Variants in RNF144A observed in about 807,000 individuals in gnomAD.
RNF144A encodes the protein E3 ubiquitin-protein ligase RNF144A.
In RNF144A, 11 loss-of-function variants were observed where a neutral mutation model predicts 38.7. That is an observed-to-expected ratio of 0.28 (90% CI 0.18 to 0.47). The LOEUF is 0.47. Ranked by LOEUF, RNF144A falls within the 20% of genes least tolerant of loss-of-function variation. The probability of loss-of-function intolerance (pLI) is 0.99; values close to 1 mark genes in which losing one functional copy is unlikely to be tolerated. For missense variants in RNF144A, 316 were observed against 377.2 expected, an observed-to-expected ratio of 0.84 and a Z score of 1.34; for synonymous variants, 149 against 143.9, an observed-to-expected ratio of 1.04 and a Z score of -0.25.
intron 2 of RNF144A, among the ~76,000 whole-genome samples, chr2:6,947,577 T>C (rs958905843): frequency 2.0e-5 from 3 of 152,220 alleles, no homozygotes; most frequent in Non-Finnish European, 4.4e-5. Flanking sequence ...AAAACTGACA[T>C]TGACTTATTT....
At chr2:7,000,788 T>G (rs1429883607) in intron 3 of RNF144A, among the ~76,000 whole-genome samples, 1 of 151,884 alleles carries the variant, frequency 6.6e-6, no homozygotes, top group Non-Finnish European at 1.5e-5. Flanking sequence ...AAAGTTATTT[T>G]TTAATGATGA....
chr2:6,963,743 C>T (rs186746693), intron 2 of RNF144A, among the ~76,000 whole-genome samples: 13 of 152,234 alleles, frequency 8.5e-5, no homozygotes, highest in East Asian at 1.9e-4. Flanking sequence ...TCAGGGTTTC[C>T]GAGTCATGTG....
chr2:7,025,269 ATTTAGC>A (rs1308514548), intron 7 of RNF144A, among the ~76,000 whole-genome samples: 1 of 152,258 alleles, frequency 6.6e-6, no homozygotes, highest in Non-Finnish European at 1.5e-5. Flanking sequence ...GGTTGCTGCT[ATTTAGC>A]TTCTCATTCT....
At chr2:6,992,577 G>A (rs910438749) in intron 2 of RNF144A, among the ~76,000 whole-genome samples, 5 of 152,224 alleles carry the variant, frequency 3.3e-5, no homozygotes, top group Non-Finnish European at 7.3e-5. Flanking sequence ...GGAGAGCAGG[G>A]ACTTGCTGGA....
intron 7 of RNF144A, among the ~76,000 whole-genome samples, chr2:7,025,106 C>T (rs1671797075): frequency 6.6e-6 from 1 of 152,154 alleles, no homozygotes; most frequent in Admixed American, 6.5e-5. Flanking sequence ...AATGGAAGTT[C>T]TGGTCTCATA....
intron 3 of RNF144A, among the ~76,000 whole-genome samples, chr2:7,011,794 A>G (rs1361418290): frequency 2.0e-5 from 3 of 152,228 alleles, no homozygotes; most frequent in Non-Finnish European, 4.4e-5. Flanking sequence ...CCCACTTTAT[A>G]TCTGGAAGAA....
chr2:6,967,323 C>T (rs375427877), intron 2 of RNF144A, among the ~76,000 whole-genome samples: 2 of 152,208 alleles, frequency 1.3e-5, no homozygotes, highest in African/African-American at 2.4e-5. Flanking sequence ...CTACAGAAGA[C>T]GTAGTTCGTT....
At chr2:7,046,751 C>CA (rs1271545803), downstream of RNF144A, among the ~76,000 whole-genome samples, 1 of 152,168 alleles carries the variant, frequency 6.6e-6, no homozygotes, top group Non-Finnish European at 1.5e-5. Context: ...TGCGTACAGC[C>CA]TGTGGTTAAT....
At position 6,943,941 on chromosome 2, in the gene RNF144A, G is replaced by A. The variant is rs2103302478; in HGVS notation, c.-12+2794G>A. ...GAAGCTCTGGCTCCAGACTGAAAGA[G>A]CCACTCTGGGTGACTGCATGCTTCT... On this transcript the variant is annotated intron_variant, in intron 2 of 8. Coordinates refer to ENST00000320892, the MANE Select transcript of RNF144A (RefSeq NM_014746.6). The surrounding 1 kb of genome is among the most constrained non-coding windows in gnomAD (Gnocchi z 4.3). Among the ~76,000 whole-genome samples, 1 of 152,212 alleles carries A rather than the reference G, an allele frequency of 6.6e-6. No individual in the cohort carries two copies. Among genetic ancestry groups the A allele is most frequent in the East Asian group, 1.9e-4 (1 of 5,194 alleles).
At chr2:6,957,501 C>A (rs1209880362) in intron 2 of RNF144A, among the ~76,000 whole-genome samples, 1 of 152,182 alleles carries the variant, frequency 6.6e-6, no homozygotes, top group Non-Finnish European at 1.5e-5. Flanking sequence ...CTACCTGATG[C>A]CCACCTTGGC....
chr2:6,944,403 T>C lies in RNF144A; in HGVS notation c.-12+3256T>C, dbSNP rs114531145. The stretch of plus-strand genomic sequence containing the variant: ...CTGCTGGAGAGATCTTCCCCTCCAC[T>C]TACCCGATTGCCTACTTACCCCTTT... On this transcript the variant is annotated intron_variant, in intron 2 of 8. Coordinates refer to ENST00000320892, the MANE Select transcript of RNF144A (RefSeq NM_014746.6). The surrounding 1 kb of genome is among the most constrained non-coding windows in gnomAD (Gnocchi z 4.7). Among the ~76,000 whole-genome samples the C allele has an allele frequency of 0.015, 2,342 of 152,138 alleles. 58 individuals carry two copies. Among genetic ancestry groups the C allele is most frequent in the African/African-American group, 0.054 (2,239 of 41,482 alleles).
chr2:6,943,738 G>T lies in RNF144A; in HGVS notation c.-12+2591G>T, dbSNP rs1666163626. Among the ~76,000 whole-genome samples, 1 of 152,172 alleles carries T rather than the reference G, an allele frequency of 6.6e-6. No homozygotes were observed. Among genetic ancestry groups the T allele is most frequent in the Admixed American group, 6.5e-5 (1 of 15,284 alleles). On this transcript the variant is annotated intron_variant, in intron 2 of 8. Coordinates refer to ENST00000320892, the MANE Select transcript of RNF144A (RefSeq NM_014746.6). This position sits in a 1 kb window ranked among gnomAD's most constrained non-coding sequence, Gnocchi z 4.3. The stretch of plus-strand genomic sequence containing the variant: ...CATGCGTGGGTGGTGCTCGGAGGAG[G>T]AGGCTCTGCAGTTCTCTTCTGATTA...
intron 1 of RNF144A, among the ~76,000 whole-genome samples, chr2:6,937,275 G>C (rs926129237): frequency 3.3e-5 from 5 of 152,198 alleles, no homozygotes; most frequent in Admixed American, 6.5e-5. Flanking sequence ...GCGCCCATTT[G>C]CTGGTGCTGA....
At chr2:6,972,490 T>G (rs1192517825) in intron 2 of RNF144A, among the ~76,000 whole-genome samples, 1 of 151,920 alleles carries the variant, frequency 6.6e-6, no homozygotes, top group African/African-American at 2.4e-5. Flanking sequence ...CCCCGGGGGG[T>G]TTGTTCCTTG....
In RNF144A at chr2:6,950,224, A is replaced by G. The variant is rs1037686436; in HGVS notation, c.-12+9077A>G. On this transcript the variant is annotated intron_variant, in intron 2 of 8. Transcript: ENST00000320892. ...TGGCATCCCACCTTTCCCCTGAGCT[A>G]CCTACTAATCTTTCCTTGCTATTTT... Among the ~76,000 whole-genome samples, 4 of 152,242 alleles carry G rather than the reference A, an allele frequency of 2.6e-5. No homozygotes were observed. The South Asian group carries it at 6.2e-4, about 24-fold the overall frequency.
chr2:6,996,029 T>C (rs1032502932), intron 2 of RNF144A, among the ~76,000 whole-genome samples: 1 of 152,224 alleles, frequency 6.6e-6, no homozygotes, highest in Non-Finnish European at 1.5e-5. Context: ...GGAACTGTTT[T>C]GGGCAGTTCT....
At chr2:7,067,130 C>G (rs1674266590) in intron 6 of RNF144A, among the ~76,000 whole-genome samples, 1 of 152,142 alleles carries the variant, frequency 6.6e-6, no homozygotes, top group Admixed American at 6.5e-5. Flanking sequence ...TATAGCACAC[C>G]TCTTATTGAA....
At chr2:7,070,641 G>C (rs879265774), downstream of RNF144A, among the ~76,000 whole-genome samples, 7 of 152,176 alleles carry the variant, frequency 4.6e-5, no homozygotes, top group Admixed American at 4.6e-4. Flanking sequence ...AATGACCGCT[G>C]TCTTTATAAC....
chr2:7,074,641 T>A, the RNF144A span: 3 of 152,226 alleles, frequency 2.0e-5, no homozygotes, highest in Admixed American at 6.5e-5. Flanking sequence ...TGTCCTTTCA[T>A]CTGGGTTATA....
Sources: gnomAD v4.1 joint callset for allele counts (sites outside exome capture counted in the v4.1 genomes callset) on GRCh38, gnomAD v4.1.1 for gene constraint, Gnocchi (gnomAD v3.1) non-coding constraint, MANE v1.5 for transcripts, NCBI Gene and HGNC (gene_info 2026-07-23, HGNC 2026-07-21) for gene names.